The following ELFN2 variants were observed in gnomAD, a reference collection of about 807,000 sequenced individuals.
ELFN2 encodes the protein protein phosphatase 1 regulatory subunit 29.
Under a neutral mutation model 45.5 loss-of-function variants are expected in ELFN2, and 17 were observed. The ratio of observed to expected loss-of-function variants is 0.37; its 90% CI spans 0.26 to 0.56. ELFN2 has a LOEUF of 0.56. Ranked by LOEUF, ELFN2 falls within the 20% of genes least tolerant of loss-of-function variation. ELFN2 has a pLI of 0.77. For missense variants in ELFN2, 922 were observed against 1,183.2 expected (o/e 0.78, Z 3.24); for synonymous variants, 550 against 551.5 (o/e 1.00, Z 0.04).
intron 2 of ELFN2, among the ~76,000 whole-genome samples, chr22:37,388,276 C>T (rs1475497194): frequency 1.3e-5 from 2 of 152,152 alleles, no homozygotes; most frequent in Admixed American, 1.3e-4. Flanking sequence ...CTCCTACCTG[C>T]CTGCCTTCTT....
chr22:37,409,243 G>A (rs532681922), intron 2 of ELFN2, among the ~76,000 whole-genome samples: 1 of 152,316 alleles, frequency 6.6e-6, no homozygotes, highest in Admixed American at 6.5e-5. Flanking sequence ...AGCTCCGGAA[G>A]GCCCGGGCAC....
chr22:37,348,442 AAGG>A lies in ELFN2; in HGVS notation n.149-5742_149-5740del, dbSNP rs1482812302. On this transcript the variant is annotated intron_variant and non_coding_transcript_variant, in intron 1 of 2. Transcript: ENST00000452946. The stretch of plus-strand genomic sequence containing the variant: ...GGGCTGAGGACTTCCTGAGACATGA[AAGG>A]AGGAGAAACGAGGCTGAGGTGGGCA... Among the ~76,000 whole-genome samples the A allele has an allele frequency of 5.0e-5, 7 of 139,670 alleles. 1 individual carries two copies. The East Asian group carries it at 9.7e-4, about 19-fold the overall frequency. 91.6% of individuals were successfully genotyped at this position (139,670 alleles called of 152,430 possible). A position where few individuals can be genotyped will look rare whatever the true frequency, so the allele number is the denominator to read the frequency against.
At chr22:37,346,169 G>A (rs893680911) in intron 1 of ELFN2, among the ~76,000 whole-genome samples, 3 of 152,222 alleles carry the variant, frequency 2.0e-5, no homozygotes, top group South Asian at 2.1e-4. Context: ...AAAACTTGGC[G>A]GCCACATCAC....
At chr22:37,415,871 G>T (rs1054062927) in intron 2 of ELFN2, among the ~76,000 whole-genome samples, 2 of 152,234 alleles carry the variant, frequency 1.3e-5, no homozygotes, top group African/African-American at 4.8e-5. Context: ...GCTGAAGCAG[G>T]AGAATCGCTT....
intron 2 of ELFN2, among the ~76,000 whole-genome samples, chr22:37,416,192 T>C (rs1932757991): frequency 6.6e-6 from 1 of 152,122 alleles, no homozygotes; most frequent in East Asian, 1.9e-4. Context: ...GCTTCCTGTT[T>C]TTAGTAATTG....
At chr22:37,407,216 T>A (rs1932527724) in intron 2 of ELFN2, among the ~76,000 whole-genome samples, 1 of 152,132 alleles carries the variant, frequency 6.6e-6, no homozygotes, top group African/African-American at 2.4e-5. Flanking sequence ...CTGCGTTCAA[T>A]TACCTGCTCA....
intron 1 of ELFN2, among the ~76,000 whole-genome samples, chr22:37,421,386 G>A (rs1932807903): frequency 6.6e-6 from 1 of 152,238 alleles, no homozygotes; most frequent in African/African-American, 2.4e-5. Context: ...GCAAAGCCCA[G>A]AGCAGAAGTT....
intron 2 of ELFN2, among the ~76,000 whole-genome samples, chr22:37,383,540 T>G (rs796065487): frequency 6.6e-6 from 1 of 152,312 alleles, no homozygotes; most frequent in African/African-American, 2.4e-5. Context: ...CATCCTGCAC[T>G]GGGTGAGCAG....
At chr22:37,392,899 A>T (rs1042650670) in intron 2 of ELFN2, among the ~76,000 whole-genome samples, 7 of 152,194 alleles carry the variant, frequency 4.6e-5, no homozygotes, top group African/African-American at 1.7e-4. Context: ...GGCCTTCAGG[A>T]GCCCCATTAA....
rs762410050 is a variant in ELFN2, at chr22:37,375,508, C to T, written c.27G>A (p.Ala9=). The change falls in exon 3 of 3, where the codon GCG becomes GCA. Residue 9 remains alanine (A), a synonymous_variant. Coordinates refer to ENST00000402918, the MANE Select transcript of ELFN2 (RefSeq NM_052906.5). ...CCGGCCGGCACACGCACAGCAGCGC[C>T]GCCGCGCACAGCCCCAGGCGCAGCA... is the stretch of plus-strand genomic sequence containing the variant. MLRLGLCA[A]ALLCVCRPGA... is the part of the protein sequence containing the mutation. 23 of 1,569,004 alleles carry T rather than the reference C, an allele frequency of 1.5e-5. No individual in the cohort carries two copies. The highest frequency in any genetic ancestry group is 2.3e-5 in the South Asian group (2 of 86,624).
Position 37,373,187 on chromosome 22 carries a change from T to A in ELFN2, c.2348A>T (p.Glu783Val), listed in dbSNP as rs760259006. The A allele has an allele frequency of 6.2e-7, 1 of 1,613,512 alleles. No individual in the cohort carries two copies. Among genetic ancestry groups the A allele is most frequent in the African/African-American group, 1.3e-5 (1 of 74,876 alleles). ...FRPYKKHHRE[E>V]VYMAAGHALR... ...GGCGTGACCGGCGGCCATGTACACC[T>A]CCTCCCGGTGGTGCTTCTTGTAGGG... The change falls in exon 3 of 3, where the codon GAG (glutamate) becomes GTG (valine). Residue 783 changes from glutamate to valine, a missense_variant. Physicochemically the swap from Glu to Val is moderately radical, Grantham distance 121. Transcript: ENST00000402918.
chr22:37,381,394 G>A (rs1265883725), intron 2 of ELFN2, among the ~76,000 whole-genome samples: 2 of 152,104 alleles, frequency 1.3e-5, no homozygotes, highest in African/African-American at 2.4e-5. Context: ...CAATCAGGAA[G>A]TACTGATTCC....
At chr22:37,416,977 C>T (rs1488892379) in intron 2 of ELFN2, among the ~76,000 whole-genome samples, 2 of 152,142 alleles carry the variant, frequency 1.3e-5, no homozygotes, top group Admixed American at 1.3e-4. Context: ...AGCCAGCCTC[C>T]TTTCTCTGTC....
chr22:37,354,880 C>T (rs1045029440), intron 1 of ELFN2: 1 of 152,040 alleles, frequency 6.6e-6, no homozygotes. Flanking sequence ...CAGACATTGC[C>T]AAATGTCCCC....
At chr22:37,349,622 C>G (rs1411937588) in intron 1 of ELFN2, among the ~76,000 whole-genome samples, 1 of 151,008 alleles carries the variant, frequency 6.6e-6, no homozygotes, top group Non-Finnish European at 1.5e-5. Flanking sequence ...CTGCCCTGCC[C>G]TTCAGAGAAG....
Position 37,423,263 on chromosome 22 carries a change from G to A in ELFN2, c.-614+4035C>T, listed in dbSNP as rs143874326. ...GGGTTGAGATGCAGGCACCACCCACGAGGCCCCTCCTTTCCTGTCTCTCCT... is the reference window on the plus strand; with the variant it reads ...GGGTTGAGATGCAGGCACCACCCACAAGGCCCCTCCTTTCCTGTCTCTCCT... On this transcript the variant is annotated intron_variant, in intron 1 of 2. Transcript: ENST00000402918. Among the ~76,000 whole-genome samples, 4 of 152,268 alleles carry A rather than the reference G, an allele frequency of 2.6e-5. No individual in the cohort carries two copies. The East Asian group carries it at 5.8e-4, about 22-fold the overall frequency.
At chr22:37,347,943 G>A (rs562402857) in intron 1 of ELFN2, among the ~76,000 whole-genome samples, 40 of 152,314 alleles carry the variant, frequency 2.6e-4, no homozygotes, top group Non-Finnish European at 5.7e-4. Flanking sequence ...GGGCTGGGGA[G>A]CTCGCGCCCA....
intron 2 of ELFN2, among the ~76,000 whole-genome samples, chr22:37,416,685 G>A (rs180872674): frequency 1.3e-5 from 2 of 151,948 alleles, no homozygotes; most frequent in Non-Finnish European, 2.9e-5. Flanking sequence ...GTGCAGACCC[G>A]CCCACTGTGC....
intron 2 of ELFN2, among the ~76,000 whole-genome samples, chr22:37,342,199 T>TGAAGCAGAGC (rs1179991698): frequency 2.6e-5 from 4 of 151,938 alleles, no homozygotes; most frequent in African/African-American, 7.3e-5. Flanking sequence ...AGAAGCGGAG[T>TGAAGCAGAGC]GAAGCAGAGC....
Sources: allele counts gnomAD v4.1 joint callset (sites outside exome capture counted in the v4.1 genomes callset), GRCh38; gene constraint gnomAD v4.1.1; transcripts MANE v1.5; gene names NCBI Gene and HGNC (gene_info 2026-07-23, HGNC 2026-07-21).